The following ATP2A3 variants were observed in gnomAD, a reference collection of about 807,000 sequenced individuals.
ATP2A3 encodes the protein ATPase sarcoplasmic/endoplasmic reticulum Ca2+ transporting 3.
ATP2A3 carries 61 observed loss-of-function variants against 106.8 expected under a neutral mutation model. That is an observed-to-expected ratio of 0.57 (90% confidence interval 0.46 to 0.71). The LOEUF (loss-of-function observed/expected upper bound fraction) is 0.71. ATP2A3 is among the 30% of genes least tolerant of loss of function. ATP2A3 has a pLI of 0.00. For missense variants in ATP2A3, 1,201 were observed against 1,423.5 expected, an observed-to-expected ratio of 0.84 and a Z score of 2.52; for synonymous variants, 611 against 609.3, an observed-to-expected ratio of 1.00 and a Z score of -0.04.
chr17:3,945,005 C>G (rs1222483739), intron 9 of ATP2A3, 55 bp downstream of exon 9: 2 of 1,410,652 alleles, frequency 1.4e-6, no homozygotes, highest in African/African-American at 1.5e-5. Context: ...GGCGCCGCCA[C>G]GCGTGGCCCC....
In ATP2A3 at chr17:3,924,276, CA is replaced by C. The variant is rs1467844757; in HGVS notation, c.*1145del. ...CCCTCGCTAGTTTTTGCCAAAGTAG[CA>C]AAAGCTGAGTTAAGAGAAAAATTCT... is the stretch of plus-strand genomic sequence containing the variant. On this transcript the variant is annotated 3_prime_UTR_variant, in exon 21 of 21. Coordinates refer to ENST00000397041, the MANE Select transcript of ATP2A3 (RefSeq NM_005173.4). The surrounding 1 kb of genome is among the most constrained non-coding windows in gnomAD (Gnocchi z 6.4). 1.3e-5 allele frequency: 2 copies of C among 154,888 alleles called. No individual in the cohort carries two copies. The highest frequency in any genetic ancestry group is 4.8e-5 in the African/African-American group (2 of 41,468). The allele number at this position is 154,888 out of a possible 1,614,324, so 9.6% of individuals were successfully genotyped here. A position where few individuals can be genotyped will look rare whatever the true frequency, so the allele number is the denominator to read the frequency against.
intron 14 of ATP2A3, among the ~76,000 whole-genome samples, chr17:3,939,941 C>T (rs939832706): frequency 1.1e-4 from 16 of 149,480 alleles, no homozygotes; most frequent in African/African-American, 2.2e-4. Context: ...AAAAAAAAAC[C>T]GAAAACAGTG....
chr17:3,963,271 AG>A (rs1196773154), intron 1 of ATP2A3, among the ~76,000 whole-genome samples: 2 of 152,156 alleles, frequency 1.3e-5, no homozygotes, highest in Non-Finnish European at 2.9e-5. Flanking sequence ...GTAGATGGTG[AG>A]GGTATTTCTC....
chr17:3,937,332 C>A, intron 15 of ATP2A3, 84 bp downstream of exon 15: 1 of 1,456,400 alleles, frequency 6.9e-7, no homozygotes, highest in Non-Finnish European at 9.4e-7. Flanking sequence ...ATCCCTGCAG[C>A]GCATCCGAGG....
At position 3,932,687 on chromosome 17, in the gene ATP2A3, G is replaced by A. The variant is rs183854254; in HGVS notation, c.2611-2253C>T. ...ATTCCTGGGCTCAAGTGATCTGCCC[G>A]CCTTGGCATCCCAGAGTGCTGGGAT... On this transcript the variant is annotated intron_variant, in intron 17 of 20. Coordinates refer to ENST00000397041, the MANE Select transcript of ATP2A3 (RefSeq NM_005173.4). Among the ~76,000 whole-genome samples, 1,124 of 150,106 alleles carry A rather than the reference G, an allele frequency of 7.5e-3. 19 individuals are homozygous for A. The highest frequency in any genetic ancestry group is 0.027 in the African/African-American group (1,066 of 39,502).
At position 3,947,419 on chromosome 17, in the gene ATP2A3, A is replaced by G; in HGVS notation, c.1067T>C (p.Leu356Pro). The change falls in exon 8 of 21, where the codon CTC becomes CCC. Residue 356 changes from leucine (L) to proline (P), a missense_variant. Leu to Pro is a moderately conservative substitution (Grantham distance 98). Transcript: ENST00000397041. This position sits in a 1 kb window ranked among gnomAD's most constrained non-coding sequence, Gnocchi z 7.7. ...GCAGACAGACATCTGATTGGTGGTG[A>G]GCGTGCCCGTCTTGTCGGAGCAGAT... is the stretch of plus-strand genomic sequence containing the variant. ...SVICSDKTGT[L>P]TTNQMSVCRM... The G allele has an allele frequency of 6.2e-7, 1 of 1,613,936 alleles. No homozygotes were observed. Among genetic ancestry groups the G allele is most frequent in the Non-Finnish European group, 8.5e-7 (1 of 1,180,046 alleles).
chr17:3,947,746 G>A lies in ATP2A3; in HGVS notation c.740C>T (p.Thr247Met). ...CTCGTCCAGCTTGCGCTGCAGCGGC[G>A]TCCGCTCGGGCTCGACTGCCGCCAT... ...SQMAAVEPER[T>M]PLQRKLDEFG... The change falls in exon 8 of 21, where the codon ACG (threonine) becomes ATG (methionine). Residue 247 changes from threonine to methionine, a missense_variant. Thr to Met is a moderately conservative substitution (Grantham distance 81). Around this residue, in one of 2 missense-constraint regions of ATP2A3, gnomAD observed 935 missense variants for 1,176.7 expected, o/e 0.79. Coordinates refer to ENST00000397041, the MANE Select transcript of ATP2A3 (RefSeq NM_005173.4). The surrounding 1 kb of genome is among the most constrained non-coding windows in gnomAD (Gnocchi z 7.7). The A allele has an allele frequency of 6.2e-6, 10 of 1,607,456 alleles. No individual in the cohort carries two copies. The highest frequency in any genetic ancestry group is 8.5e-6 in the Non-Finnish European group (10 of 1,179,812).
At chr17:3,934,397 T>G (rs2053301349) in intron 17 of ATP2A3, among the ~76,000 whole-genome samples, 1 of 152,054 alleles carries the variant, frequency 6.6e-6, no homozygotes, top group African/African-American at 2.4e-5. Context: ...TTTATTTTTA[T>G]TTGGTAGAGA....
Position 3,953,379 on chromosome 17 carries a change from G to A in ATP2A3, c.187C>T (p.Arg63Cys), listed in dbSNP as rs754676729. The A allele has an allele frequency of 5.1e-5, 82 of 1,613,906 alleles. No individual in the cohort carries two copies. The highest frequency in any genetic ancestry group is 6.7e-5 in the Admixed American group (4 of 60,014). ...ACAAGGGCAGCCAGCAGCAGGATGC[G>A]CACCAGGAGGTCCTCAAACTGTTCC... ...VLEQFEDLLV[R>C]ILLLAALVSF... The change falls in exon 3 of 21, where the codon CGC becomes TGC. Residue 63 changes from arginine (R) to cysteine (C), a missense_variant. Around this residue, in one of 2 missense-constraint regions of ATP2A3, gnomAD observed 266 missense variants for 246.8 expected, o/e 1.08. Transcript: ENST00000397041. This position sits in a 1 kb window ranked among gnomAD's most constrained non-coding sequence, Gnocchi z 5.1.
rs2053371004 is a variant in ATP2A3 at position 3,935,288 on chromosome 17, G to T, written c.2525-11C>A. 6.2e-7 allele frequency: 1 copy of T among 1,612,516 alleles called. No individual in the cohort carries two copies. Among genetic ancestry groups the T allele is most frequent in the Non-Finnish European group, 8.5e-7 (1 of 1,179,480 alleles). On this transcript the variant is annotated splice_polypyrimidine_tract_variant and intron_variant, in intron 16 of 20. Transcript: ENST00000397041. ...CCAGGCCTACGTACACTGCGGGGAA[G>T]GGAGGAGACCGGCTGTAGAGAATGG...
At chr17:3,948,962 C>T (rs2054267064) in intron 7 of ATP2A3, among the ~76,000 whole-genome samples, 1 of 151,966 alleles carries the variant, frequency 6.6e-6, no homozygotes. Flanking sequence ...AACCCCGTCT[C>T]TAGTAAAATA....
intron 17 of ATP2A3, among the ~76,000 whole-genome samples, chr17:3,931,587 T>G (rs1405473923): frequency 6.6e-6 from 1 of 151,602 alleles, no homozygotes; most frequent in Admixed American, 6.6e-5. Context: ...AGTGGCATGA[T>G]CTCGGCTCAC....
rs904449187 is a variant in ATP2A3, at chr17:3,953,076, G to T, written c.219+271C>A. 6.6e-6 allele frequency among the ~76,000 whole-genome samples: 1 copy of T among 152,266 alleles called. No homozygotes were observed. Among genetic ancestry groups the T allele is most frequent in the East Asian group, 1.9e-4 (1 of 5,184 alleles). The stretch of plus-strand genomic sequence containing the variant: ...ACCCTAGGGTACAGCAGGGCGGGGC[G>T]GGGGGCAGATGTGAGTTGGGGAGCT... On this transcript the variant is annotated intron_variant, in intron 3 of 20. Transcript: ENST00000397041. The surrounding 1 kb of genome is among the most constrained non-coding windows in gnomAD (Gnocchi z 5.1).
rs1377725015 is a variant in ATP2A3 at position 3,964,367 on chromosome 17, G to C, written c.-76C>G. 6.0e-6 allele frequency: 5 copies of C among 833,052 alleles called. No individual in the cohort carries two copies. In the East Asian group the frequency reaches 2.0e-4, roughly 33 times the overall value. 51.6% of individuals were successfully genotyped at this position (833,052 alleles called of 1,614,324 possible). A position where few individuals can be genotyped will look rare whatever the true frequency, so the allele number is the denominator to read the frequency against. ...GCCGGGGGGCTACAAAGCGGGGCGCGGGGGACTCGGGCCCGGGCGGGCGCC... is the reference window on the plus strand; with the variant it reads ...GCCGGGGGGCTACAAAGCGGGGCGCCGGGGACTCGGGCCCGGGCGGGCGCC... On this transcript the variant is annotated 5_prime_UTR_variant, in exon 1 of 21. Transcript: ENST00000397041.
At chr17:3,945,178 G>A in intron 8 of ATP2A3, 30 bp from the exon 9 acceptor site, 7 of 1,536,106 alleles carry the variant, frequency 4.6e-6, no homozygotes, top group Non-Finnish European at 6.2e-6. Flanking sequence ...GCTTAGGCGG[G>A]CGGGGTCGCC....
chr17:3,941,505 G>C lies in ATP2A3; in HGVS notation c.1695C>G (p.Ala565=). 6.2e-7 allele frequency: 1 copy of C among 1,613,784 alleles called. No homozygotes were observed. The highest frequency in any genetic ancestry group is 8.5e-7 in the Non-Finnish European group (1 of 1,179,854). The change falls in exon 13 of 21, where the codon GCC becomes GCG. Residue 565 remains alanine, a synonymous_variant. Transcript: ENST00000397041. The part of the protein sequence containing the change: ...GSDTLRCLAL[A]TRDAPPRKED... The stretch of plus-strand genomic sequence containing the variant: ...CCTTCCTTGGGGGCGCGTCCCGGGT[G>C]GCCAGTGCCAGGCAGCGCAGCGTGT...
chr17:3,935,050 C>A (rs2053351660), intron 17 of ATP2A3, 142 bp downstream of exon 17: 1 of 919,604 alleles, frequency 1.1e-6, no homozygotes, highest in Non-Finnish European at 1.7e-6. Flanking sequence ...GAGCTCGGCT[C>A]CCCAGGTGGG....
chr17:3,945,021 C>T (rs754544018), intron 9 of ATP2A3, 39 bp downstream of exon 9: 2 of 1,470,224 alleles, frequency 1.4e-6, no homozygotes, highest in Non-Finnish European at 1.8e-6. Flanking sequence ...GCCCCGCCCC[C>T]AGGCCGCCCG....
chr17:3,947,421 C>T lies in ATP2A3; in HGVS notation c.1065G>A (p.Thr355=), dbSNP rs757618073. 71 of 1,613,802 alleles carry T rather than the reference C, an allele frequency of 4.4e-5. No individual in the cohort carries two copies. Among genetic ancestry groups the T allele is most frequent in the East Asian group, 8.9e-5 (4 of 44,900 alleles). Residue 355 remains threonine, a synonymous_variant, in exon 8 of 21, where the codon ACG becomes ACA. Transcript: ENST00000397041. The surrounding 1 kb of genome is among the most constrained non-coding windows in gnomAD (Gnocchi z 7.7). Reference sequence around the variant, plus strand: ...AGACAGACATCTGATTGGTGGTGAGCGTGCCCGTCTTGTCGGAGCAGATGA... The same window carrying T: ...AGACAGACATCTGATTGGTGGTGAGTGTGCCCGTCTTGTCGGAGCAGATGA... ...TSVICSDKTG[T]LTTNQMSVCR... is the part of the protein sequence containing the mutation.
Sources: allele counts gnomAD v4.1 joint callset (sites outside exome capture counted in the v4.1 genomes callset), GRCh38; gene constraint gnomAD v4.1.1; regional missense constraint gnomAD v4.1.1; non-coding constraint Gnocchi (gnomAD v3.1); transcripts MANE v1.5; gene names NCBI Gene and HGNC (gene_info 2026-07-23, HGNC 2026-07-21).